LRSAM1: variants seen among roughly 807,000 people sequenced by gnomAD.
The protein encoded by LRSAM1 is leucine rich repeat and sterile alpha motif containing 1.
Under a neutral mutation model 118.1 loss-of-function variants are expected in LRSAM1, and 96 were observed. The ratio of observed to expected loss-of-function variants is 0.81; its 90% CI spans 0.69 to 0.96. The LOEUF (loss-of-function observed/expected upper bound fraction) is 0.96, where lower values mean the gene tolerates loss of function less well. Ranked by LOEUF, LRSAM1 falls within the 40% of genes least tolerant of loss-of-function variation. LRSAM1 has a pLI of 0.00. For synonymous variants in LRSAM1, 322 were observed against 364.2 expected (o/e 0.88, Z 1.32); for missense variants, 804 against 915.5 (o/e 0.88, Z 1.57).
intron 4 of LRSAM1, 102 bp downstream of exon 4, chr9:127,455,156 C>T (rs1181897439): frequency 4.2e-5 from 48 of 1,148,694 alleles, no homozygotes; most frequent in Non-Finnish European, 5.6e-5. Flanking sequence ...TTAGAAAGGC[C>T]AGAAGCTCTA....
chr9:127,454,789 G>A (rs924073658), intron 3 of LRSAM1, among the ~76,000 whole-genome samples, 190 bp downstream of exon 3: 5 of 152,124 alleles, frequency 3.3e-5, no homozygotes, highest in East Asian at 1.9e-4. Context: ...TAGACTGAGC[G>A]CACTGTCATT....
chr9:127,502,329 T>G (rs767930199), intron 25 of LRSAM1, among the ~76,000 whole-genome samples: 3 of 152,152 alleles, frequency 2.0e-5, no homozygotes, highest in Non-Finnish European at 2.9e-5. Flanking sequence ...GCCTGTTCTG[T>G]TTCTGTGGTG....
intron 20 of LRSAM1, among the ~76,000 whole-genome samples, chr9:127,492,092 T>TG (rs1394947160): frequency 6.6e-6 from 1 of 152,246 alleles, no homozygotes; most frequent in Non-Finnish European, 1.5e-5. Context: ...TCTGGATCCC[T>TG]GGTCTCAGGT....
Position 127,466,516 on chromosome 9 carries a change from T to TTA in LRSAM1, c.529-1223_529-1222insAT, listed in dbSNP as rs1564258959. 4.9e-3 allele frequency among the ~76,000 whole-genome samples: 404 copies of TTA among 82,496 alleles called. 16 individuals are homozygous for TTA. The highest frequency in any genetic ancestry group is 0.02 in the African/African-American group (379 of 19,098). The allele number at this position is 82,496 out of a possible 152,430, so 54.1% of individuals were successfully genotyped here. ...TATATATATATATATTTTTTTTTTTTTTTTTTTTTTTTTTCCACTAGAGAT... is the reference window on the plus strand; with the variant it reads ...TATATATATATATATTTTTTTTTTTTTATTTTTTTTTTTTTTCCACTAGAGAT... On this transcript the variant is annotated intron_variant, in intron 9 of 25. Transcript: ENST00000300417.
At chr9:127,497,175 G>C (rs1261001155) in intron 23 of LRSAM1, 78 bp from the exon 24 acceptor site, 1 of 1,439,680 alleles carries the variant, frequency 6.9e-7, no homozygotes, top group East Asian at 2.3e-5. Context: ...CTGTGAGCCT[G>C]GGCCTGTGCC....
In LRSAM1 at chr9:127,501,060, C is replaced by A. The variant is rs1291622809; in HGVS notation, c.1963C>A (p.Pro655Thr). ...CGTCACCCCTACGGCCCCCCAGGAG[C>A]CTCCTGAGTCTGTGAGGCCATCCGC... ...EVVTPTAPQE[P>T]PESVRPSAPP... Residue 655 changes from proline to threonine, a missense_variant, in exon 25 of 26, where the codon CCT (proline) becomes ACT (threonine). Coordinates refer to ENST00000300417, the MANE Select transcript of LRSAM1 (RefSeq NM_001005373.4). 1.9e-6 allele frequency: 3 copies of A among 1,614,048 alleles called. No homozygotes were observed. The Admixed American group carries it at 5.0e-5, about 27-fold the overall frequency.
intron 20 of LRSAM1, among the ~76,000 whole-genome samples, chr9:127,492,496 GCT>G (rs1185928163): frequency 2.6e-5 from 4 of 152,232 alleles, no homozygotes; most frequent in Non-Finnish European, 5.9e-5. Context: ...CTGCCCATGT[GCT>G]CTGTTGTCTG....
chr9:127,455,449 G>A, intron 4 of LRSAM1, 127 bp from the exon 5 acceptor site: 1 of 953,240 alleles, frequency 1.0e-6, no homozygotes. Context: ...GCTCAGCACT[G>A]CCACCTGCTG....
chr9:127,496,747 A>G (rs2132114704), intron 23 of LRSAM1, among the ~76,000 whole-genome samples: 1 of 151,486 alleles, frequency 6.6e-6, no homozygotes, highest in South Asian at 2.1e-4. Context: ...TTTTCATGAG[A>G]CTCTCCTGCC....
At chr9:127,466,601 C>T (rs1427051070) in intron 9 of LRSAM1, among the ~76,000 whole-genome samples, 1 of 146,474 alleles carries the variant, frequency 6.8e-6, no homozygotes, top group Non-Finnish European at 1.5e-5. Flanking sequence ...GATCCTCCCA[C>T]CTTGGCCTCC....
intron 11 of LRSAM1, among the ~76,000 whole-genome samples, chr9:127,475,837 T>C (rs1835331388): frequency 6.6e-6 from 1 of 151,758 alleles, no homozygotes. Context: ...ATCTCCCGGG[T>C]TCAAGTGATT....
chr9:127,464,066 A>C (rs556656232), intron 9 of LRSAM1, among the ~76,000 whole-genome samples: 44 of 152,294 alleles, frequency 2.9e-4, no homozygotes, highest in African/African-American at 1.1e-3. Context: ...TCATGGTGGC[A>C]CGCAGTCTGG....
rs558713532 is a variant in LRSAM1, at chr9:127,451,967, G to T, written c.-150G>T. The T allele has an allele frequency of 2.0e-5, 3 of 152,422 alleles. No individual in the cohort carries two copies. The East Asian group carries it at 5.8e-4, about 29-fold the overall frequency. The allele number at this position is 152,422 out of a possible 1,614,324, so 9.4% of individuals were successfully genotyped here. ...AGGAGACCAGACTCCGGCTCCGCCC[G>T]GCCCGTGCCGGGTGGTCTGCGGCCC... On this transcript the variant is annotated 5_prime_UTR_variant, in exon 2 of 26. Transcript: ENST00000300417.
intron 22 of LRSAM1, among the ~76,000 whole-genome samples, 180 bp downstream of exon 22, chr9:127,495,598 A>AG (rs1294753334): frequency 6.6e-6 from 1 of 152,112 alleles, no homozygotes; most frequent in Non-Finnish European, 1.5e-5. Context: ...CATTCTGGTG[A>AG]GGGGGACGAC....
At chr9:127,485,676 T>C in intron 16 of LRSAM1, 60 bp from the exon 17 acceptor site, 1 of 1,533,282 alleles carries the variant, frequency 6.5e-7, no homozygotes, top group Non-Finnish European at 9.0e-7. Flanking sequence ...GCTGCCTCCC[T>C]GCCCAGGTGC....
intron 2 of LRSAM1, among the ~76,000 whole-genome samples, chr9:127,452,593 T>C (rs991549913): frequency 4.6e-5 from 7 of 152,244 alleles, no homozygotes; most frequent in African/African-American, 1.7e-4. Flanking sequence ...TAACATTTAT[T>C]GAGCGCTCAT....
Position 127,469,822 on chromosome 9 carries a change from A to G in LRSAM1, c.619+1992A>G, listed in dbSNP as rs574622860. Among the ~76,000 whole-genome samples, 656 of 151,928 alleles carry G rather than the reference A, an allele frequency of 4.3e-3. 3 individuals are homozygous for G. Among genetic ancestry groups the G allele is most frequent in the Non-Finnish European group, 6.2e-3 (421 of 67,918 alleles). On this transcript the variant is annotated intron_variant, in intron 10 of 25. Coordinates refer to ENST00000300417, the MANE Select transcript of LRSAM1 (RefSeq NM_001005373.4). Reference sequence around the variant, plus strand: ...ACTAAAAATACAAAAAAAATTAGCAAGGCGTGGTGGCGGGCGCCTGTAGTC... The same window carrying G: ...ACTAAAAATACAAAAAAAATTAGCAGGGCGTGGTGGCGGGCGCCTGTAGTC...
chr9:127,502,183 G>A (rs570696633), intron 25 of LRSAM1, among the ~76,000 whole-genome samples: 39 of 152,352 alleles, frequency 2.6e-4, no homozygotes, highest in African/African-American at 7.7e-4. Context: ...TGTCCAGAGC[G>A]CAGGAATATA....
intron 10 of LRSAM1, among the ~76,000 whole-genome samples, chr9:127,470,666 G>T (rs1232713143): frequency 6.6e-6 from 1 of 152,090 alleles, no homozygotes; most frequent in African/African-American, 2.4e-5. Flanking sequence ...TCAATGTGTG[G>T]ATACCACACG....
Sources: gnomAD v4.1 joint callset for allele counts (sites outside exome capture counted in the v4.1 genomes callset) on GRCh38, gnomAD v4.1.1 for gene constraint, MANE v1.5 for transcripts, NCBI Gene and HGNC (gene_info 2026-07-23, HGNC 2026-07-21) for gene names.